Variants in IL1R1 observed in about 807,000 individuals in gnomAD.
IL1R1 encodes interleukin-1 receptor type 1.
IL1R1 carries 22 observed loss-of-function variants against 50.2 expected under a neutral mutation model. The observed-to-expected ratio is 0.44, with a 90% CI of 0.31 to 0.63. The LOEUF (loss-of-function observed/expected upper bound fraction) is 0.63. Among genes scored for constraint, IL1R1 ranks in the 20% least tolerant of loss-of-function variants. The pLI, the probability that IL1R1 is intolerant of heterozygous loss-of-function variation, is 0.07. For synonymous variants in IL1R1, 251 were observed against 236.7 expected (o/e 1.06, Z -0.55); for missense variants, 509 against 676.2 (o/e 0.75, Z 2.74).
chr2:102,130,957 C>T (rs745830746), intron 1 of IL1R1, among the ~76,000 whole-genome samples: 20 of 152,110 alleles, frequency 1.3e-4, no homozygotes, highest in Non-Finnish European at 2.2e-4. Context: ...GTGACTTCTC[C>T]TGCTTACTGA....
Position 102,174,652 on chromosome 2 carries a change from G to T in IL1R1, c.1057G>T (p.Val353Phe), listed in dbSNP as rs748432829. 4 of 1,611,454 alleles carry T rather than the reference G, an allele frequency of 2.5e-6. No homozygotes were observed. In the South Asian group the frequency reaches 4.4e-5, roughly 18 times the overall value. Residue 353 changes from valine (V) to phenylalanine (F), a missense_variant, in exon 10 of 12, where the codon GTT becomes TTT. Coordinates refer to ENST00000410023, the MANE Select transcript of IL1R1 (RefSeq NM_000877.4). ...GTTGACAGTCATAATTGTGTGTTCT[G>T]TTTTCATCTATAAAATCTTCAAGAT... The part of the protein sequence containing the change: ...VTLTVIIVCS[V>F]FIYKIFKIDI...
At chr2:102,086,812 A>G (rs2104301535) in intron 1 of IL1R1, among the ~76,000 whole-genome samples, 1 of 152,288 alleles carries the variant, frequency 6.6e-6, no homozygotes, top group South Asian at 2.1e-4. Flanking sequence ...AAATTATTTG[A>G]ACATGTTTCT....
intron 1 of IL1R1, among the ~76,000 whole-genome samples, chr2:102,099,221 AG>A (rs1160428776): frequency 6.6e-6 from 1 of 152,186 alleles, no homozygotes; most frequent in African/African-American, 2.4e-5. Flanking sequence ...AAATGTGAAT[AG>A]TGAGAAACTG....
chr2:102,096,560 T>A (rs943542754), intron 1 of IL1R1, among the ~76,000 whole-genome samples: 10 of 145,598 alleles, frequency 6.9e-5, no homozygotes, highest in African/African-American at 2.6e-4. Flanking sequence ...TATTTAATAT[T>A]TTTTTTTCTC....
chr2:102,138,788 G>A (rs1671196226), upstream of IL1R1, among the ~76,000 whole-genome samples: 1 of 152,160 alleles, frequency 6.6e-6, no homozygotes, highest in South Asian at 2.1e-4. Flanking sequence ...GTGGTTCTGT[G>A]AGAGTTTACT....
At chr2:102,121,571 T>G (rs549783851) in intron 1 of IL1R1, among the ~76,000 whole-genome samples, 80 of 152,334 alleles carry the variant, frequency 5.3e-4, no homozygotes, top group Middle Eastern at 6.8e-3. Flanking sequence ...CCTGGCTGTG[T>G]GGTCAGAAGG....
At chr2:102,152,656 A>G (rs1014273062) in intron 1 of IL1R1, among the ~76,000 whole-genome samples, 2 of 151,050 alleles carry the variant, frequency 1.3e-5, no homozygotes, top group South Asian at 2.1e-4. Flanking sequence ...GCCATTCACT[A>G]TATAATTCCC....
In IL1R1 at chr2:102,169,304, C is replaced by A. The variant is rs564721969; in HGVS notation, c.721+641C>A. Among the ~76,000 whole-genome samples the A allele has an allele frequency of 2.6e-5, 4 of 152,354 alleles. No homozygotes were observed. The East Asian group carries it at 7.7e-4, about 29-fold the overall frequency. ...AGTAAAGAAAGAACCCCACAAGCAT[C>A]TAGCTCTGCACTGTTTAGTGCAGTA... is the stretch of plus-strand genomic sequence containing the variant. On this transcript the variant is annotated intron_variant, in intron 7 of 11. Coordinates refer to ENST00000410023, the MANE Select transcript of IL1R1 (RefSeq NM_000877.4).
At chr2:102,077,591 G>T (rs1679025751) in intron 1 of IL1R1, among the ~76,000 whole-genome samples, 1 of 152,044 alleles carries the variant, frequency 6.6e-6, no homozygotes, top group African/African-American at 2.4e-5. Flanking sequence ...GTTAATTCTT[G>T]CTCTGTGTTA....
At chr2:102,095,472 C>T (rs1679856690) in intron 1 of IL1R1, among the ~76,000 whole-genome samples, 1 of 152,108 alleles carries the variant, frequency 6.6e-6, no homozygotes, top group African/African-American at 2.4e-5. Flanking sequence ...TGGAAAATTT[C>T]AGAGAATAAA....
Position 102,164,969 on chromosome 2 carries a change from C to T in IL1R1, c.257C>T (p.Ala86Val), listed in dbSNP as rs1452888518. 2.5e-6 allele frequency: 4 copies of T among 1,613,900 alleles called. No homozygotes were observed. The highest frequency in any genetic ancestry group is 3.4e-6 in the Non-Finnish European group (4 of 1,179,974). ...AAAGAGAAACTTTGGTTTGTTCCTG[C>T]TAAGGTGGAGGATTCAGGACATTAC... ...QHKEKLWFVP[A>V]KVEDSGHYYC... is the part of the protein sequence containing the mutation. The change falls in exon 4 of 12, where the codon GCT (alanine) becomes GTT (valine). Residue 86 changes from alanine to valine, a missense_variant. Physicochemically the swap from Ala to Val is moderately conservative, Grantham distance 64 (BLOSUM62 0). Transcript: ENST00000410023.
At chr2:102,133,315 C>G (rs1007737707) in intron 1 of IL1R1, among the ~76,000 whole-genome samples, 3 of 151,260 alleles carry the variant, frequency 2.0e-5, no homozygotes, top group African/African-American at 7.3e-5. Context: ...TGAATTCTAC[C>G]AAACATTTAA....
Position 102,171,935 on chromosome 2 carries a change from T to C in IL1R1, c.839+17T>C. On this transcript the variant is annotated intron_variant, in intron 8 of 11. Coordinates refer to ENST00000410023, the MANE Select transcript of IL1R1 (RefSeq NM_000877.4). Reference sequence around the variant, plus strand: ...CTATTACAGGTATGTATGCTAAGAGTTATTCACATTTTGGTGTTAAATCCC... The same window carrying C: ...CTATTACAGGTATGTATGCTAAGAGCTATTCACATTTTGGTGTTAAATCCC... The C allele has an allele frequency of 7.5e-7, 1 of 1,328,874 alleles. No homozygotes were observed. Among genetic ancestry groups the C allele is most frequent in the Non-Finnish European group, 1.1e-6 (1 of 946,932 alleles). The allele number at this position is 1,328,874 out of a possible 1,614,324, so 82.3% of individuals were successfully genotyped here. A position where few individuals can be genotyped will look rare whatever the true frequency, so the allele number is the denominator to read the frequency against.
At chr2:102,121,510 C>A (rs1245763284) in intron 1 of IL1R1, among the ~76,000 whole-genome samples, 1 of 152,192 alleles carries the variant, frequency 6.6e-6, no homozygotes, top group Admixed American at 6.5e-5. Flanking sequence ...CTCTTGCCTT[C>A]CTTCTTTCTC....
intron 1 of IL1R1, among the ~76,000 whole-genome samples, chr2:102,099,447 G>A (rs1301407530): frequency 2.0e-5 from 3 of 152,096 alleles, no homozygotes; most frequent in East Asian, 1.9e-4. Context: ...CCTCCTGGAC[G>A]TCTATCCCAT....
At chr2:102,159,957 C>A (rs1042640084) in intron 3 of IL1R1, among the ~76,000 whole-genome samples, 2 of 152,108 alleles carry the variant, frequency 1.3e-5, no homozygotes, top group Non-Finnish European at 2.9e-5. Context: ...CTAGTAAATG[C>A]TCTTCTGGTT....
intron 1 of IL1R1, among the ~76,000 whole-genome samples, chr2:102,132,434 C>T (rs1482349310): frequency 6.6e-6 from 1 of 151,974 alleles, no homozygotes; most frequent in East Asian, 1.9e-4. Context: ...TAGGGTGATA[C>T]AGTATCATTT....
intron 3 of IL1R1, among the ~76,000 whole-genome samples, chr2:102,161,034 C>G (rs1228746109): frequency 1.3e-5 from 2 of 152,132 alleles, no homozygotes; most frequent in East Asian, 1.9e-4. Context: ...GGTAGAAGCT[C>G]AAGTCATCAA....
intron 1 of IL1R1, among the ~76,000 whole-genome samples, chr2:102,091,033 G>C (rs780973774): frequency 6.6e-6 from 1 of 152,144 alleles, no homozygotes; most frequent in Non-Finnish European, 1.5e-5. Flanking sequence ...GTTTACTTGT[G>C]TTTCTCAATT....
Sources: allele counts gnomAD v4.1 joint callset (sites outside exome capture counted in the v4.1 genomes callset), GRCh38; gene constraint gnomAD v4.1.1; transcripts MANE v1.5; gene names NCBI Gene and HGNC (gene_info 2026-07-23, HGNC 2026-07-21).